Variants in THSD7B observed in about 807,000 individuals in gnomAD.
The protein encoded by THSD7B is thrombospondin type-1 domain-containing protein 7B.
A neutral mutation model predicts 213.6 loss-of-function variants in THSD7B; 138 were observed. The observed-to-expected ratio is 0.65, with a 90% CI of 0.56 to 0.74. THSD7B has a LOEUF of 0.74. Ranked by LOEUF, THSD7B falls within the 30% of genes least tolerant of loss-of-function variation. THSD7B has a pLI of 0.00. For synonymous variants in THSD7B, 742 were observed against 687.0 expected, an observed-to-expected ratio of 1.08 and a Z score of -1.25; for missense variants, 1,931 against 1,991.5, an observed-to-expected ratio of 0.97 and a Z score of 0.58.
At chr2:137,171,686 A>G (rs1680255681) in intron 7 of THSD7B, among the ~76,000 whole-genome samples, 1 of 152,244 alleles carries the variant, frequency 6.6e-6, no homozygotes, top group African/African-American at 2.4e-5. Context: ...TATAATGCTC[A>G]TGATATGTGG....
intron 15 of THSD7B, among the ~76,000 whole-genome samples, chr2:137,474,650 G>A (rs1021021921): frequency 1.3e-5 from 2 of 152,184 alleles, no homozygotes; most frequent in Non-Finnish European, 2.9e-5. Flanking sequence ...GAATCAGTGA[G>A]CTTCTCAATT....
chr2:136,783,059 T>C (rs1681772817), intron 1 of THSD7B, among the ~76,000 whole-genome samples: 1 of 152,220 alleles, frequency 6.6e-6, no homozygotes, highest in Non-Finnish European at 1.5e-5. Flanking sequence ...AGTAGCGTGA[T>C]TTTCCATGCA....
At chr2:136,847,944 C>T (rs1241879718) in intron 1 of THSD7B, among the ~76,000 whole-genome samples, 1 of 152,136 alleles carries the variant, frequency 6.6e-6, no homozygotes, top group African/African-American at 2.4e-5. Context: ...TGCCAAGATT[C>T]CAGTGTGCAT....
At chr2:137,282,531 GT>G (rs1343201008) in intron 12 of THSD7B, among the ~76,000 whole-genome samples, 5 of 152,182 alleles carry the variant, frequency 3.3e-5, no homozygotes, top group African/African-American at 9.6e-5. Flanking sequence ...AGTTTTTATG[GT>G]TTTAGGTCTA....
chr2:137,050,062 G>A (rs748039182), intron 2 of THSD7B, among the ~76,000 whole-genome samples: 1 of 152,118 alleles, frequency 6.6e-6, no homozygotes, highest in Non-Finnish European at 1.5e-5. Context: ...CACTGAATTT[G>A]TCTAGGCTTT....
At chr2:136,894,251 G>T (rs1389943586) in intron 2 of THSD7B, among the ~76,000 whole-genome samples, 1 of 21,210 alleles carries the variant, frequency 4.7e-5, no homozygotes, top group Non-Finnish European at 1.5e-4. Context: ...TTGCAAAAGA[G>T]TGCTGCACTT....
intron 12 of THSD7B, among the ~76,000 whole-genome samples, chr2:137,370,062 CA>C (rs1685509883): frequency 6.6e-6 from 1 of 151,928 alleles, no homozygotes; most frequent in Non-Finnish European, 1.5e-5. Context: ...GAAAGAAATA[CA>C]AACGTATGCT....
chr2:137,411,233 T>C (rs1465516480), intron 13 of THSD7B, among the ~76,000 whole-genome samples: 1 of 152,218 alleles, frequency 6.6e-6, no homozygotes, highest in African/African-American at 2.4e-5. Context: ...CTTAGATGCT[T>C]TCATTGGTTC....
At chr2:137,220,163 C>G (rs995211998) in intron 7 of THSD7B, among the ~76,000 whole-genome samples, 1 of 151,830 alleles carries the variant, frequency 6.6e-6, no homozygotes, top group African/African-American at 2.4e-5. Context: ...TACAGCACCA[C>G]AATCTATACA....
chr2:137,568,144 G>T (rs191650974), intron 16 of THSD7B, among the ~76,000 whole-genome samples: 1 of 152,094 alleles, frequency 6.6e-6, no homozygotes, highest in Non-Finnish European at 1.5e-5. Context: ...TCACTAAGAG[G>T]TTTCTCTGGA....
Position 137,347,453 on chromosome 2 carries a change from G to A in THSD7B, c.2501-58160G>A, listed in dbSNP as rs552379584. On this transcript the variant is annotated intron_variant, in intron 12 of 27. Coordinates refer to ENST00000409968, the MANE Select transcript of THSD7B (RefSeq NM_001316349.2). ...ACTTTAACAACAGAAGCAGTAGAAA[G>A]TGTGGACTCCGGGGAGCTGGAGTGA... Among the ~76,000 whole-genome samples the A allele has an allele frequency of 5.9e-5, 9 of 151,732 alleles. No homozygotes were observed. In the South Asian group the frequency reaches 1.9e-3, roughly 31 times the overall value.
At position 137,566,419 on chromosome 2, in the gene THSD7B, T is replaced by A. The variant is rs186992640; in HGVS notation, c.3272+3065T>A. Among the ~76,000 whole-genome samples the A allele has an allele frequency of 3.1e-3, 474 of 152,050 alleles. 3 individuals carry two copies. The highest frequency in any genetic ancestry group is 5.1e-3 in the Non-Finnish European group (347 of 67,966). The stretch of plus-strand genomic sequence containing the variant: ...CAAATCTGCCTCCCTGAGCTGGGGG[T>A]TGGGTCATGTTTTATAAGCATAAAT... On this transcript the variant is annotated intron_variant, in intron 16 of 27. Coordinates refer to ENST00000409968, the MANE Select transcript of THSD7B (RefSeq NM_001316349.2).
intron 1 of THSD7B, among the ~76,000 whole-genome samples, chr2:136,826,044 G>A (rs10211448): frequency 0.034 from 5,152 of 152,206 alleles, 285 homozygotes; most frequent in African/African-American, 0.12. Flanking sequence ...GCATTATTCT[G>A]CTTATCACAG....
chr2:137,495,058 T>C (rs1326885012), intron 15 of THSD7B, among the ~76,000 whole-genome samples: 1 of 152,184 alleles, frequency 6.6e-6, no homozygotes, highest in Admixed American at 6.5e-5. Context: ...CACAGTCTAA[T>C]TGTTTGTTGT....
intron 1 of THSD7B, among the ~76,000 whole-genome samples, chr2:136,836,540 A>G (rs1000441608): frequency 2.0e-5 from 3 of 152,140 alleles, no homozygotes; most frequent in Admixed American, 2.0e-4. Context: ...GGAGCTTAGC[A>G]CCTCACTGGC....
chr2:137,641,845 C>T (rs987226167), intron 20 of THSD7B, among the ~76,000 whole-genome samples: 4 of 151,926 alleles, frequency 2.6e-5, no homozygotes, highest in Admixed American at 6.6e-5. Context: ...ATCTTGTGCT[C>T]GGTGAAGAAA....
Position 137,670,982 on chromosome 2 carries a change from T to A in THSD7B, c.4739+3121T>A, listed in dbSNP as rs564780808. ...GTCTTCTCTAATTTCATATTCATAA[T>A]AGAATTTTATTCAATGTCTACATCT... On this transcript the variant is annotated intron_variant, in intron 27 of 27. Coordinates refer to ENST00000409968, the MANE Select transcript of THSD7B (RefSeq NM_001316349.2). Among the ~76,000 whole-genome samples, 13 of 150,296 alleles carry A rather than the reference T, an allele frequency of 8.6e-5. 1 individual carries two copies. The highest frequency in any genetic ancestry group is 3.4e-3 in the Middle Eastern group (1 of 290).
At chr2:137,355,132 A>C (rs997115482) in intron 12 of THSD7B, among the ~76,000 whole-genome samples, 2 of 152,170 alleles carry the variant, frequency 1.3e-5, no homozygotes, top group Non-Finnish European at 2.9e-5. Context: ...ATCAGATCTC[A>C]AATATTTATG....
intron 5 of THSD7B, among the ~76,000 whole-genome samples, chr2:137,158,170 C>G (rs1214693839): frequency 6.6e-6 from 1 of 152,180 alleles, no homozygotes; most frequent in Non-Finnish European, 1.5e-5. Context: ...GCATGATTTA[C>G]TCAATGAATG....
Sources: gnomAD v4.1 joint callset for allele counts (sites outside exome capture counted in the v4.1 genomes callset) on GRCh38, gnomAD v4.1.1 for gene constraint, MANE v1.5 for transcripts, NCBI Gene and HGNC (gene_info 2026-07-23, HGNC 2026-07-21) for gene names.